The following ABLIM3 variants were observed in gnomAD, a reference collection of about 807,000 sequenced individuals.
ABLIM3 encodes the protein actin-binding LIM protein 3.
In ABLIM3, 61 loss-of-function variants were observed where a neutral mutation model predicts 109.5. The observed-to-expected ratio is 0.56, with a 90% CI of 0.45 to 0.69. ABLIM3 has a LOEUF of 0.69. Among genes scored for constraint, ABLIM3 ranks in the 30% least tolerant of loss-of-function variants. The pLI is 0.00. For missense variants in ABLIM3, 796 were observed against 889.5 expected (o/e 0.89, Z 1.34); for synonymous variants, 300 against 324.8 (o/e 0.92, Z 0.82).
chr5:149,231,938 A>G (rs1052572552), intron 9 of ABLIM3, among the ~76,000 whole-genome samples: 2 of 152,266 alleles, frequency 1.3e-5, no homozygotes, highest in Admixed American at 6.5e-5. Flanking sequence ...AAATTCAATG[A>G]TAATGAAATA....
At chr5:149,164,534 GCA>G (rs750212462) in intron 2 of ABLIM3, among the ~76,000 whole-genome samples, 12 of 152,170 alleles carry the variant, frequency 7.9e-5, no homozygotes, top group Non-Finnish European at 1.2e-4. Context: ...TGCTGGAAAT[GCA>G]CAGTTTCAGT....
chr5:149,149,601 A>C (rs1415387861), intron 2 of ABLIM3, among the ~76,000 whole-genome samples: 2 of 152,150 alleles, frequency 1.3e-5, no homozygotes, highest in African/African-American at 4.8e-5. Context: ...AGTTCAGAAA[A>C]CGTCTCGGGC....
chr5:149,179,333 A>G (rs1172861830), intron 2 of ABLIM3, among the ~76,000 whole-genome samples: 1 of 152,038 alleles, frequency 6.6e-6, no homozygotes, highest in Non-Finnish European at 1.5e-5. Context: ...TTTTGTCTTA[A>G]AAAATTATAC....
intron 4 of ABLIM3, 118 bp from the exon 5 acceptor site, chr5:149,200,198 C>A: frequency 1.2e-6 from 1 of 802,600 alleles, no homozygotes; most frequent in Non-Finnish European, 2.1e-6. Context: ...TTTGAATTTG[C>A]GTGGTGCTCT....
chr5:149,142,032 G>A lies in ABLIM3; in HGVS notation c.-64G>A, dbSNP rs1004392753. On this transcript the variant is annotated 5_prime_UTR_variant, in exon 2 of 24. Transcript: ENST00000309868. ...AGGTGATGAGTGAGGTTCGAAGAAC[G>A]GAAGATTTAAAAAGCAGCCGGGGCC... is the stretch of plus-strand genomic sequence containing the variant. The A allele has an allele frequency of 2.4e-5, 39 of 1,613,414 alleles. No individual in the cohort carries two copies. The East Asian group carries it at 4.0e-4, about 17-fold the overall frequency.
chr5:149,225,982 G>GTGTA (rs1272837276), intron 8 of ABLIM3, among the ~76,000 whole-genome samples: 117 of 45,484 alleles, frequency 2.6e-3, no homozygotes, highest in Admixed American at 4.2e-3. Flanking sequence ...GTGTGTGTGT[G>GTGTA]TATATATATA....
chr5:149,159,671 A>G (rs886519726), intron 2 of ABLIM3, among the ~76,000 whole-genome samples: 2 of 152,158 alleles, frequency 1.3e-5, no homozygotes, highest in Non-Finnish European at 2.9e-5. Flanking sequence ...TATCCTTATC[A>G]GTTCTATGGC....
At chr5:149,200,729 A>G (rs1168044673) in intron 5 of ABLIM3, 6 of 371,022 alleles carry the variant, frequency 1.6e-5, no homozygotes, top group African/African-American at 6.0e-5. Context: ...GGACGCCTCA[A>G]TAGGGCTGAT....
At chr5:149,162,437 C>T (rs1042426279) in intron 2 of ABLIM3, among the ~76,000 whole-genome samples, 1 of 152,130 alleles carries the variant, frequency 6.6e-6, no homozygotes, top group African/African-American at 2.4e-5. Context: ...GTATCTCATT[C>T]CAAAAGCATA....
intron 8 of ABLIM3, among the ~76,000 whole-genome samples, chr5:149,227,005 G>A (rs979927687): frequency 6.6e-6 from 1 of 151,100 alleles, no homozygotes; most frequent in Non-Finnish European, 1.5e-5. Context: ...AGGAGGCAGA[G>A]GTTGCAATGA....
chr5:149,225,444 A>G (rs181598045), intron 8 of ABLIM3, among the ~76,000 whole-genome samples: 14 of 152,348 alleles, frequency 9.2e-5, no homozygotes, highest in African/African-American at 3.1e-4. Flanking sequence ...TCACCCTGAG[A>G]ATAATGCTTT....
At chr5:149,241,889 G>T (rs3887874) in intron 14 of ABLIM3, among the ~76,000 whole-genome samples, 70,073 of 152,028 alleles carry the variant, frequency 0.46, 16,457 homozygotes, top group East Asian at 0.62. Context: ...AGGGGCTACA[G>T]GACTGAGTGG....
At chr5:149,215,633 AC>A (rs1449405848) in intron 7 of ABLIM3, among the ~76,000 whole-genome samples, 1 of 152,298 alleles carries the variant, frequency 6.6e-6, no homozygotes, top group East Asian at 1.9e-4. Context: ...GATGGCTTGG[AC>A]AGGGACCTTT....
chr5:149,169,071 G>GACTT (rs1755106197), intron 2 of ABLIM3, among the ~76,000 whole-genome samples: 1 of 151,874 alleles, frequency 6.6e-6, no homozygotes, highest in African/African-American at 2.4e-5. Flanking sequence ...TCCCACCACT[G>GACTT]ACTTTGCTGT....
At chr5:149,184,603 T>C (rs1756776573) in intron 3 of ABLIM3, among the ~76,000 whole-genome samples, 1 of 152,186 alleles carries the variant, frequency 6.6e-6, no homozygotes, top group African/African-American at 2.4e-5. Context: ...TAAAGTATGA[T>C]ACTCAGAACA....
intron 10 of ABLIM3, among the ~76,000 whole-genome samples, chr5:149,233,528 T>C (rs1762068129): frequency 6.6e-6 from 1 of 152,160 alleles, no homozygotes; most frequent in East Asian, 1.9e-4. Flanking sequence ...GTTTCAGGGA[T>C]AATGCAGAGT....
chr5:149,234,635 T>C (rs1325393487), intron 10 of ABLIM3, among the ~76,000 whole-genome samples: 1 of 152,182 alleles, frequency 6.6e-6, no homozygotes, highest in Non-Finnish European at 1.5e-5. Flanking sequence ...CATGTGGCTG[T>C]CAAAAAAGAC....
At chr5:149,194,984 A>G (rs1757820089) in intron 3 of ABLIM3, among the ~76,000 whole-genome samples, 1 of 152,210 alleles carries the variant, frequency 6.6e-6, no homozygotes, top group African/African-American at 2.4e-5. Flanking sequence ...TCACAATGAA[A>G]TGTTCTGAAT....
intron 2 of ABLIM3, among the ~76,000 whole-genome samples, chr5:149,154,518 T>C (rs952576571): frequency 1.5e-4 from 23 of 152,318 alleles, no homozygotes; most frequent in Admixed American, 1.5e-3. Flanking sequence ...CTCCTCCTAA[T>C]CCAGAGACTC....
Sources: gnomAD v4.1 joint callset for allele counts (sites outside exome capture counted in the v4.1 genomes callset) on GRCh38, gnomAD v4.1.1 for gene constraint, MANE v1.5 for transcripts, NCBI Gene and HGNC (gene_info 2026-07-23, HGNC 2026-07-21) for gene names.